The following MBNL2 variants were observed in gnomAD, a reference collection of about 807,000 sequenced individuals.
MBNL2 encodes muscleblind like splicing regulator 2.
In MBNL2, 17 loss-of-function variants were observed where a neutral mutation model predicts 41.9. That is an observed-to-expected ratio of 0.41 (90% confidence interval 0.28 to 0.61). MBNL2 has a LOEUF of 0.61. MBNL2 is among the 20% of genes least tolerant of loss of function. MBNL2 has a pLI of 0.35. For missense variants in MBNL2, 336 were observed against 505.6 expected, an observed-to-expected ratio of 0.66 and a Z score of 3.22; for synonymous variants, 195 against 182.9, an observed-to-expected ratio of 1.07 and a Z score of -0.53.
the MBNL2 span, among the ~76,000 whole-genome samples, chr13:97,210,641 G>GGA: frequency 8.2e-6 from 1 of 121,628 alleles, no homozygotes; most frequent in African/African-American, 3.3e-5. Context: ...TGCCCAGGCT[G>GGA]GAGTGCAGTG....
At chr13:97,147,982 C>T in the MBNL2 span, among the ~76,000 whole-genome samples, 1 of 152,274 alleles carries the variant, frequency 6.6e-6, no homozygotes, top group East Asian at 1.9e-4. Context: ...GCAGCAGAGT[C>T]AGACGCCAGT....
At chr13:97,230,178 A>C (rs1382157768) in intron 1 of MBNL2, among the ~76,000 whole-genome samples, 1 of 152,206 alleles carries the variant, frequency 6.6e-6, no homozygotes, top group Non-Finnish European at 1.5e-5. Context: ...CATGCCTGTG[A>C]TCCCAGCTAC....
chr13:97,327,930 A>T (rs2060043792), intron 2 of MBNL2, among the ~76,000 whole-genome samples: 1 of 152,200 alleles, frequency 6.6e-6, no homozygotes, highest in African/African-American at 2.4e-5. Context: ...AGTGATGATG[A>T]TGATGATTAT....
At chr13:97,344,086 G>A (rs534831086) in intron 4 of MBNL2, among the ~76,000 whole-genome samples, 31 of 152,346 alleles carry the variant, frequency 2.0e-4, no homozygotes, top group Middle Eastern at 3.4e-3. Flanking sequence ...GATTACAGGC[G>A]TGAGCCACCG....
At position 97,353,590 on chromosome 13, in the gene MBNL2, C is replaced by T. The variant is rs1691298234; in HGVS notation, c.805-3206C>T. On this transcript the variant is annotated intron_variant, in intron 5 of 8. Transcript: ENST00000679496. ...TTAAAAGGAATGGAAAGCTTTGACT[C>T]CAGAATAAAAGACATTTATTTCCTT... Among the ~76,000 whole-genome samples the T allele has an allele frequency of 3.9e-5, 6 of 152,092 alleles. No individual in the cohort carries two copies. The South Asian group carries it at 1.0e-3, about 26-fold the overall frequency.
intron 2 of MBNL2, among the ~76,000 whole-genome samples, chr13:97,291,767 C>T (rs1434927647): frequency 1.3e-5 from 2 of 151,746 alleles, no homozygotes; most frequent in Non-Finnish European, 2.9e-5. Context: ...TGGTGGCATG[C>T]ACCTGTAATC....
chr13:97,211,917 G>T, the MBNL2 span, among the ~76,000 whole-genome samples: 1 of 152,236 alleles, frequency 6.6e-6, no homozygotes, highest in African/African-American at 2.4e-5. Context: ...ATATCGGAAT[G>T]AGTTAGTGTG....
intron 2 of MBNL2, among the ~76,000 whole-genome samples, chr13:97,292,033 A>G (rs2056182633): frequency 6.6e-6 from 1 of 151,334 alleles, no homozygotes; most frequent in African/African-American, 2.4e-5. Context: ...CCCCATCTCT[A>G]CTAAAAAATA....
At chr13:97,245,503 G>A (rs1327199375) in intron 1 of MBNL2, among the ~76,000 whole-genome samples, 1 of 152,154 alleles carries the variant, frequency 6.6e-6, no homozygotes, top group Admixed American at 6.5e-5. Context: ...TGGTAACAAT[G>A]TTTCTAGATG....
At chr13:97,388,314 C>CATACATATATATATATATATATATAT (rs1555323244) in intron 8 of MBNL2, among the ~76,000 whole-genome samples, 13 of 139,688 alleles carry the variant, frequency 9.3e-5, no homozygotes, top group African/African-American at 2.9e-4. Flanking sequence ...TACATACATA[C>CATACATATATATATATATATATATAT]ATATATATAT....
chr13:97,169,445 C>T, the MBNL2 span, among the ~76,000 whole-genome samples: 20 of 152,136 alleles, frequency 1.3e-4, no homozygotes, highest in African/African-American at 3.1e-4. Context: ...TATCAGTTTT[C>T]GAATACTTCC....
At chr13:97,373,932 A>G (rs1348735092) in intron 8 of MBNL2, among the ~76,000 whole-genome samples, 1 of 152,016 alleles carries the variant, frequency 6.6e-6, no homozygotes, top group Non-Finnish European at 1.5e-5. Flanking sequence ...TCTTTTGTAT[A>G]TAGCACATAA....
the MBNL2 span, among the ~76,000 whole-genome samples, chr13:97,189,954 G>A: frequency 7.9e-5 from 12 of 152,202 alleles, no homozygotes; most frequent in African/African-American, 2.9e-4. Flanking sequence ...CAACGACGAG[G>A]GAGAAAAACA....
chr13:97,271,387 C>T lies in MBNL2; in HGVS notation c.-604-4245C>T, dbSNP rs376546698. Among the ~76,000 whole-genome samples, 7 of 151,562 alleles carry T rather than the reference C, an allele frequency of 4.6e-5. No homozygotes were observed. In the East Asian group the frequency reaches 5.8e-4, roughly 13 times the overall value. Reference sequence around the variant, plus strand: ...CCTCCCAAAGTGCTAGGATGACAGGCGTGAGCCACTGCACCCAGCCTACTC... The same window carrying T: ...CCTCCCAAAGTGCTAGGATGACAGGTGTGAGCCACTGCACCCAGCCTACTC... On this transcript the variant is annotated intron_variant, in intron 1 of 8. Coordinates refer to ENST00000679496, the MANE Select transcript of MBNL2 (RefSeq NM_001382683.1).
intron 7 of MBNL2, among the ~76,000 whole-genome samples, chr13:97,362,052 G>A (rs1045545520): frequency 2.0e-5 from 3 of 152,028 alleles, no homozygotes; most frequent in African/African-American, 2.4e-5. Context: ...GATTACAGGC[G>A]TGAGCCACTG....
At chr13:97,172,446 A>G in the MBNL2 span, 2 of 152,348 alleles carry the variant, frequency 1.3e-5, no homozygotes, top group South Asian at 2.1e-4. Flanking sequence ...AAGAGCACCC[A>G]TAAATCCAAG....
Position 97,366,659 on chromosome 13 carries a change from C to A in MBNL2, c.1048+1488C>A. The A allele has an allele frequency of 1.3e-6, 1 of 768,590 alleles. No individual in the cohort carries two copies. The highest frequency in any genetic ancestry group is 1.5e-5 in the South Asian group (1 of 68,138). The allele number at this position is 768,590 out of a possible 1,614,324, so 47.6% of individuals were successfully genotyped here. A position where few individuals can be genotyped will look rare whatever the true frequency, so the allele number is the denominator to read the frequency against. ...GAATTTTTTTTTCATGTTTATCCAT[C>A]AAATTTTATTTTTTTAATTAGTTTA... On this transcript the variant is annotated intron_variant, in intron 8 of 8. Transcript: ENST00000679496. The surrounding 1 kb of genome is among the most constrained non-coding windows in gnomAD (Gnocchi z 4.7).
At chr13:97,279,771 A>G (rs533614688) in intron 2 of MBNL2, among the ~76,000 whole-genome samples, 26 of 152,240 alleles carry the variant, frequency 1.7e-4, no homozygotes, top group Non-Finnish European at 3.8e-4. Context: ...TACAAATATG[A>G]GTAAACTTTT....
At chr13:97,246,281 AC>A (rs2045450497) in intron 1 of MBNL2, among the ~76,000 whole-genome samples, 1 of 131,888 alleles carries the variant, frequency 7.6e-6, no homozygotes, top group Admixed American at 7.2e-5. Context: ...TATTTCACAC[AC>A]ACACACACAC....
Sources: allele counts gnomAD v4.1 joint callset (sites outside exome capture counted in the v4.1 genomes callset), GRCh38; gene constraint gnomAD v4.1.1; non-coding constraint Gnocchi (gnomAD v3.1); transcripts MANE v1.5; gene names NCBI Gene and HGNC (gene_info 2026-07-23, HGNC 2026-07-21).